Variants in KCP observed in about 807,000 individuals in gnomAD.
KCP encodes kielin/chordin-like protein.
KCP carries 194 observed loss-of-function variants against 212.7 expected under a neutral mutation model. The ratio of observed to expected loss-of-function variants is 0.91; its 90% CI spans 0.81 to 1.03. The LOEUF (loss-of-function observed/expected upper bound fraction) is 1.03. Ranked by LOEUF, KCP falls within the 50% of genes least tolerant of loss-of-function variation. KCP has a pLI of 0.00. For synonymous variants in KCP, 833 were observed against 865.3 expected (o/e 0.96, Z 0.65); for missense variants, 2,080 against 2,162.5 (o/e 0.96, Z 0.76).
chr7:128,890,872 G>C, intron 20 of KCP, 33 bp downstream of exon 20: 1 of 1,242,780 alleles, frequency 8.0e-7, no homozygotes, highest in Non-Finnish European at 1.0e-6. Flanking sequence ...GGCAGGACGC[G>C]GGTGGCCGGG....
Position 128,892,810 on chromosome 7 carries a change from T to C in KCP, c.1421-16A>G, listed in dbSNP as rs1585226669. On this transcript the variant is annotated splice_polypyrimidine_tract_variant and intron_variant, in intron 14 of 39. Coordinates refer to ENST00000610776, the MANE Select transcript of KCP (RefSeq NM_001366122.1). ...CAGCAGGCACCTGGGTGGGGCAGGC[T>C]GGTCAGGGTGAGCTGGGTAATGCAG... The C allele has an allele frequency of 1.3e-6, 2 of 1,551,346 alleles. No individual in the cohort carries two copies. The highest frequency in any genetic ancestry group is 4.9e-5 in the East Asian group (2 of 40,894).
At chr7:128,902,656 A>G in intron 8 of KCP, 121 bp downstream of exon 8, 1 of 884,684 alleles carries the variant, frequency 1.1e-6, no homozygotes, top group South Asian at 1.6e-5. Flanking sequence ...GACAGCGCCT[A>G]GGTCTTCTCC....
chr7:128,886,535 C>T lies in KCP; in HGVS notation c.2795G>A (p.Arg932Gln), dbSNP rs1053570128. Reference protein sequence around the residue: ...RCQAGQVSCVRLQCPPLPCKL... With the variant: ...RCQAGQVSCVQLQCPPLPCKL... Reference sequence around the variant, plus strand: ...GCAGGGAAGGGGTGGGCACTGCAGCCGCACACAGCTGACCTGGCCAGCCTG... The same window carrying T: ...GCAGGGAAGGGGTGGGCACTGCAGCTGCACACAGCTGACCTGGCCAGCCTG... Residue 932 changes from arginine (R) to glutamine (Q), a missense_variant, in exon 26 of 40, where the codon CGG becomes CAG. By Grantham distance (43) the Arg-to-Gln change is conservative. Coordinates refer to ENST00000610776, the MANE Select transcript of KCP (RefSeq NM_001366122.1). The T allele has an allele frequency of 2.5e-5, 38 of 1,550,960 alleles. No individual in the cohort carries two copies. The Middle Eastern group carries it at 5.0e-4, about 20-fold the overall frequency.
rs1013504036 is a variant in KCP, at chr7:128,891,671, C to T, written c.1770G>A (p.Gly590=). Residue 590 remains glycine, a synonymous_variant, in exon 17 of 40, where the codon GGG becomes GGA. Transcript: ENST00000610776. ...PRAPCAHPLP[G]TCCPNDCSGC... is the part of the protein sequence containing the mutation. ...CGCTGCAGTCGTTCGGGCAGCAGGT[C>T]CCAGGCAGCGGGTGGGCACAGGGGG... The T allele has an allele frequency of 5.5e-6, 8 of 1,457,712 alleles. No homozygotes were observed. The highest frequency in any genetic ancestry group is 7.2e-6 in the Non-Finnish European group (8 of 1,103,644). The allele number at this position is 1,457,712 out of a possible 1,614,324, so 90.3% of individuals were successfully genotyped here. A position where few individuals can be genotyped will look rare whatever the true frequency, so the allele number is the denominator to read the frequency against.
At chr7:128,881,775 G>A in intron 30 of KCP, 50 bp from the exon 31 acceptor site, 1 of 1,464,068 alleles carries the variant, frequency 6.8e-7, no homozygotes, top group Non-Finnish European at 9.3e-7. Context: ...CAGGGAGCTG[G>A]TGGAGGAGTA....
At position 128,889,019 on chromosome 7, in the gene KCP, A is replaced by C; in HGVS notation, c.2356T>G (p.Ser786Ala). 6.6e-7 allele frequency: 1 copy of C among 1,515,618 alleles called. No homozygotes were observed. Among genetic ancestry groups the C allele is most frequent in the South Asian group, 1.2e-5 (1 of 81,572 alleles). The allele number at this position is 1,515,618 out of a possible 1,614,324, so 93.9% of individuals were successfully genotyped here. ...GGGAACTCCTGGTTACTCAGGTAGG[A>C]CTCCCCCAGGTACTCACAGCCTTTC... ...DCDGCEYLGE[S>A]YLSNQEFPDP... The change falls in exon 22 of 40, where the codon TCC (serine) becomes GCC (alanine). Residue 786 changes from serine (S) to alanine (A), a missense_variant. Physicochemically the swap from Ser to Ala is moderately conservative, Grantham distance 99 (BLOSUM62 1). Transcript: ENST00000610776.
intron 20 of KCP, 21 bp from the exon 21 acceptor site, chr7:128,890,534 T>C (rs993849109): frequency 5.0e-6 from 7 of 1,390,066 alleles, no homozygotes; most frequent in African/African-American, 3.3e-5. Flanking sequence ...GGGCAGGGGC[T>C]GGGGGGCCGT....
At position 128,887,255 on chromosome 7, in the gene KCP, G is replaced by C. The variant is rs1193717949; in HGVS notation, c.2558C>G (p.Pro853Arg). ...GGAGCAGGTAGGGTCAAGTGGGTCA[G>C]GAAGGGTCTCTCCGGAGGCAGTAGT... ...GVTTASGETL[P>R]DPLDPTCSLC... Residue 853 changes from proline (P) to arginine (R), a missense_variant, in exon 23 of 40, where the codon CCT (proline) becomes CGT (arginine). Physicochemically the swap from Pro to Arg is moderately radical, Grantham distance 103. Transcript: ENST00000610776. 2.0e-5 allele frequency: 31 copies of C among 1,551,448 alleles called. No homozygotes were observed. Among genetic ancestry groups the C allele is most frequent in the Non-Finnish European group, 2.6e-5 (30 of 1,146,844 alleles).
chr7:128,886,947 T>C lies in KCP; in HGVS notation c.2618A>G (p.Gln873Arg). ...CTCQEGSMRC[Q>R]KKPCPPALCP... ...GAGAGCTGGGGGACATGGCTTCTTC[T>C]GGCAGCGCATGGAACCTTCCTGGGG... The change falls in exon 24 of 40, where the codon CAG (glutamine) becomes CGG (arginine). Residue 873 changes from glutamine to arginine, a missense_variant. Transcript: ENST00000610776. The C allele has an allele frequency of 6.6e-7, 1 of 1,523,510 alleles. No individual in the cohort carries two copies. The highest frequency in any genetic ancestry group is 8.9e-7 in the Non-Finnish European group (1 of 1,126,466). The allele number at this position is 1,523,510 out of a possible 1,614,324, so 94.4% of individuals were successfully genotyped here. A position where few individuals can be genotyped will look rare whatever the true frequency, so the allele number is the denominator to read the frequency against.
chr7:128,893,008 ATC>A lies in KCP; in HGVS notation c.1279_1280del (p.Asp427TrpfsTer6), dbSNP rs1292311499. ...GRQLCPACEL[D>X]GEEFAEGVQW... ...GGACTCCCTCAGCAAACTCCTCTCC[ATC>A]CAGCTCACAGGCTGTAGTAAGGGGG... is the stretch of plus-strand genomic sequence containing the variant. On this transcript the variant is annotated frameshift_variant, in exon 14 of 40. Transcript: ENST00000610776. LOFTEE classifies it high-confidence loss of function. 3.1e-6 allele frequency: 3 copies of A among 954,014 alleles called. No homozygotes were observed. Among genetic ancestry groups the A allele is most frequent in the Non-Finnish European group, 5.0e-6 (3 of 601,210 alleles). 59.1% of individuals were successfully genotyped at this position (954,014 alleles called of 1,614,324 possible). A position where few individuals can be genotyped will look rare whatever the true frequency, so the allele number is the denominator to read the frequency against.
In KCP at chr7:128,880,548, G is replaced by T. The variant is rs374823349; in HGVS notation, c.3617-20C>A. 6 of 1,418,312 alleles carry T rather than the reference G, an allele frequency of 4.2e-6. No homozygotes were observed. The highest frequency in any genetic ancestry group is 5.6e-6 in the Non-Finnish European group (6 of 1,075,670). 87.9% of individuals were successfully genotyped at this position (1,418,312 alleles called of 1,614,324 possible). A position where few individuals can be genotyped will look rare whatever the true frequency, so the allele number is the denominator to read the frequency against. On this transcript the variant is annotated intron_variant, in intron 33 of 39. Transcript: ENST00000610776. ...TGGGAGCTGAAGGGATAGGAGCTGG[G>T]AGGGTCAGCTGCTCCTCCCACATGC...
At chr7:128,877,948 C>T (rs1793092659) in intron 38 of KCP, among the ~76,000 whole-genome samples, 158 bp from the exon 39 acceptor site, 1 of 152,230 alleles carries the variant, frequency 6.6e-6, no homozygotes, top group Admixed American at 6.5e-5. Context: ...CTTTTTGTCC[C>T]CATTTTACAG....
Position 128,902,799 on chromosome 7 carries a change from G to A in KCP, c.809C>T (p.Pro270Leu). Residue 270 changes from proline to leucine, a missense_variant, in exon 8 of 40, where the codon CCC becomes CTC. Transcript: ENST00000610776. The part of the protein sequence containing the change: ...HGQEWTTPGD[P>L]CRICRCLEGH... ...CACCAGGCACCGGCAGATTCGGCAG[G>A]GGTCCCCAGGTGTTGTCCACTCTTG... The A allele has an allele frequency of 6.4e-7, 1 of 1,551,558 alleles. No individual in the cohort carries two copies. The highest frequency in any genetic ancestry group is 1.2e-5 in the South Asian group (1 of 84,060).
chr7:128,889,982 G>A (rs1025943792), intron 21 of KCP: 57 of 204,120 alleles, frequency 2.8e-4, no homozygotes, highest in Non-Finnish European at 4.2e-4. Context: ...AGCCTGGAGT[G>A]CAGTGGTGAA....
Position 128,886,481 on chromosome 7 carries a change from C to T in KCP, c.2849G>A (p.Cys950Tyr). Residue 950 changes from cysteine to tyrosine, a missense_variant, in exon 26 of 40, where the codon TGC becomes TAC. Physicochemically the swap from Cys to Tyr is radical, Grantham distance 194. Coordinates refer to ENST00000610776, the MANE Select transcript of KCP (RefSeq NM_001366122.1). ...CKLQVTERGS[C>Y]CPRCRGCLAH... ...GGCCATACCTCTGCAGCGAGGGCAGCAGCTCCCCCGCTCGGTGACCTGGAG... is the reference window on the plus strand; with the variant it reads ...GGCCATACCTCTGCAGCGAGGGCAGTAGCTCCCCCGCTCGGTGACCTGGAG... 1 of 1,549,550 alleles carries T rather than the reference C, an allele frequency of 6.5e-7. No homozygotes were observed. The highest frequency in any genetic ancestry group is 1.4e-5 in the African/African-American group (1 of 73,104).
Position 128,890,576 on chromosome 7 carries a change from C to A in KCP, c.2165-63G>T. ...TAGAGGGCTGTGGGGACTTGGTGGT[C>A]GTGGGGTTGAGGGGCGTGGAGGACG... is the stretch of plus-strand genomic sequence containing the variant. On this transcript the variant is annotated intron_variant, in intron 20 of 39. Coordinates refer to ENST00000610776, the MANE Select transcript of KCP (RefSeq NM_001366122.1). 4 of 958,192 alleles carry A rather than the reference C, an allele frequency of 4.2e-6. No individual in the cohort carries two copies. The South Asian group carries it at 1.3e-4, about 30-fold the overall frequency. 59.4% of individuals were successfully genotyped at this position (958,192 alleles called of 1,614,324 possible).
At position 128,877,469 on chromosome 7, in the gene KCP, G is replaced by A; in HGVS notation, c.4618+15C>T. 1 of 1,550,242 alleles carries A rather than the reference G, an allele frequency of 6.5e-7. No homozygotes were observed. Reference sequence around the variant, plus strand: ...CTGAGCCTCCCCCAACCTGCAGCGGGCATCACCCCCTCACCACACAGCGTG... The same window carrying A: ...CTGAGCCTCCCCCAACCTGCAGCGGACATCACCCCCTCACCACACAGCGTG... On this transcript the variant is annotated intron_variant, in intron 39 of 39. Transcript: ENST00000610776.
At chr7:128,899,060 T>C (rs946612131) in intron 8 of KCP, among the ~76,000 whole-genome samples, 5 of 152,230 alleles carry the variant, frequency 3.3e-5, no homozygotes, top group Non-Finnish European at 7.3e-5. Flanking sequence ...GACATTTGGC[T>C]TATTTGGTAT....
intron 6 of KCP, 109 bp downstream of exon 6, chr7:128,903,947 A>G (rs1794991428): frequency 1.5e-6 from 2 of 1,355,468 alleles, no homozygotes; most frequent in African/African-American, 1.4e-5. Flanking sequence ...AGCTGGCTCC[A>G]CCTCTCGGGA....
Sources: gnomAD v4.1 joint callset for allele counts (sites outside exome capture counted in the v4.1 genomes callset) on GRCh38, gnomAD v4.1.1 for gene constraint, MANE v1.5 for transcripts, NCBI Gene and HGNC (gene_info 2026-07-23, HGNC 2026-07-21) for gene names.